The following SH3BP5 variants were observed in gnomAD, a reference collection of about 807,000 sequenced individuals.
SH3BP5 encodes the protein SH3 domain binding protein 5.
Under a neutral mutation model 43.3 loss-of-function variants are expected in SH3BP5, and 22 were observed. The observed-to-expected ratio is 0.51, with a 90% CI of 0.36 to 0.73. SH3BP5 has a LOEUF of 0.73. SH3BP5 is among the 30% of genes least tolerant of loss of function. The pLI, the probability that SH3BP5 is intolerant of heterozygous loss-of-function variation, is 0.00. For missense variants in SH3BP5, 529 were observed against 586.9 expected (o/e 0.90, Z 1.02); for synonymous variants, 255 against 225.8 (o/e 1.13, Z -1.16).
At chr3:15,317,248 C>A (rs1008613215) in intron 2 of SH3BP5, among the ~76,000 whole-genome samples, 1 of 152,170 alleles carries the variant, frequency 6.6e-6, no homozygotes, top group Non-Finnish European at 1.5e-5. Context: ...GGCGATATGG[C>A]GAGTTCATGG....
intron 2 of SH3BP5, among the ~76,000 whole-genome samples, chr3:15,312,965 T>C (rs765196605): frequency 2.0e-5 from 3 of 152,176 alleles, no homozygotes; most frequent in Non-Finnish European, 4.4e-5. Flanking sequence ...GAAGTAAGGC[T>C]GGGCACAGTG....
intron 2 of SH3BP5, among the ~76,000 whole-genome samples, chr3:15,309,698 T>C (rs143093564): frequency 8.5e-5 from 13 of 152,348 alleles, no homozygotes; most frequent in African/African-American, 2.9e-4. Flanking sequence ...CCAGTCTGAC[T>C]TGATGCCCTT....
At chr3:15,318,983 T>C (rs1365369687) in intron 2 of SH3BP5, among the ~76,000 whole-genome samples, 1 of 152,156 alleles carries the variant, frequency 6.6e-6, no homozygotes, top group Non-Finnish European at 1.5e-5. Flanking sequence ...CGGGACTCTC[T>C]TTCCCCAGAG....
At chr3:15,328,389 A>C (rs1698517810) in intron 2 of SH3BP5, among the ~76,000 whole-genome samples, 1 of 151,860 alleles carries the variant, frequency 6.6e-6, no homozygotes, top group African/African-American at 2.4e-5. Context: ...GGCACATAGT[A>C]GGCGAGCAAC....
At position 15,291,806 on chromosome 3, in the gene SH3BP5, C is replaced by T. The variant is rs1421015610; in HGVS notation, c.330+12297G>A. 2.0e-5 allele frequency among the ~76,000 whole-genome samples: 3 copies of T among 152,278 alleles called. No homozygotes were observed. In the South Asian group the frequency reaches 6.2e-4, roughly 32 times the overall value. On this transcript the variant is annotated intron_variant, in intron 3 of 8. Coordinates refer to ENST00000383791, the MANE Select transcript of SH3BP5 (RefSeq NM_004844.5). ...CAGAACCACTTGAAGCCCCAGAGAC[C>T]ATAAATCTCTAAGTCTTATCAGTCA...
At chr3:15,321,995 G>A (rs1481862162) in intron 2 of SH3BP5, among the ~76,000 whole-genome samples, 4 of 152,020 alleles carry the variant, frequency 2.6e-5, no homozygotes, top group Admixed American at 1.3e-4. Context: ...ATTTGAGGTC[G>A]GGAGTTCGAG....
At chr3:15,337,458 T>C (rs1698714586), upstream of SH3BP5, among the ~76,000 whole-genome samples, 1 of 152,200 alleles carries the variant, frequency 6.6e-6, no homozygotes, top group African/African-American at 2.4e-5. Flanking sequence ...TTTTGTTCTG[T>C]TTTTTGTTTT....
chr3:15,280,780 C>A (rs1314071625), intron 3 of SH3BP5, among the ~76,000 whole-genome samples: 1 of 152,228 alleles, frequency 6.6e-6, no homozygotes, highest in Non-Finnish European at 1.5e-5. Flanking sequence ...TGCACGTCCA[C>A]TCACAATTCT....
At position 15,288,821 on chromosome 3, in the gene SH3BP5, A is replaced by C. The variant is rs150996374; in HGVS notation, c.330+15282T>G. ...GAGGGATTGCACCAAAAAAGTGACA[A>C]TGAGAAATGACTCATTTAGTATTTG... On this transcript the variant is annotated intron_variant, in intron 3 of 8. Transcript: ENST00000383791. 1.7e-3 allele frequency among the ~76,000 whole-genome samples: 264 copies of C among 152,372 alleles called. 1 individual carries two copies. Among genetic ancestry groups the C allele is most frequent in the Admixed American group, 5.8e-3 (89 of 15,304 alleles).
At chr3:15,318,593 C>T (rs1162062202) in intron 2 of SH3BP5, among the ~76,000 whole-genome samples, 3 of 149,890 alleles carry the variant, frequency 2.0e-5, no homozygotes, top group East Asian at 3.9e-4. Flanking sequence ...ACAAGAGTCT[C>T]GCTTTGTCAC....
rs1476043362 is a variant in SH3BP5 at position 15,304,191 on chromosome 3, G to A, written c.242C>T (p.Thr81Met). Residue 81 changes from threonine to methionine, a missense_variant, in exon 3 of 9, where the codon ACG (threonine) becomes ATG (methionine). Thr to Met is a moderately conservative substitution (Grantham distance 81). Coordinates refer to ENST00000383791, the MANE Select transcript of SH3BP5 (RefSeq NM_004844.5). ...CTTCACCAGTTCATCCAGTTTCACC[G>A]TTGCTTCAACCAGAACAGAGCGGAA... ...QKFRSVLVEA[T>M]VKLDELVKKI... 3.7e-6 allele frequency: 6 copies of A among 1,614,012 alleles called. No homozygotes were observed. Among genetic ancestry groups the A allele is most frequent in the South Asian group, 1.1e-5 (1 of 91,088 alleles).
upstream of SH3BP5, chr3:15,332,671 G>A: frequency 8.7e-7 from 1 of 1,145,108 alleles, no homozygotes; most frequent in Non-Finnish European, 1.1e-6. Context: ...CTCGCGTTCC[G>A]CCGCCAGTCC....
intron 3 of SH3BP5, among the ~76,000 whole-genome samples, chr3:15,291,240 C>G (rs1011126786): frequency 3.9e-5 from 6 of 152,198 alleles, no homozygotes; most frequent in Non-Finnish European, 8.8e-5. Flanking sequence ...TGTGCCCACT[C>G]AAGGCTACAG....
At chr3:15,312,369 A>C (rs1166970319) in intron 2 of SH3BP5, among the ~76,000 whole-genome samples, 1 of 152,210 alleles carries the variant, frequency 6.6e-6, no homozygotes, top group Non-Finnish European at 1.5e-5. Context: ...GCTGATTGTC[A>C]TCTTAATGAA....
intron 7 of SH3BP5, 40 bp downstream of exon 7, chr3:15,258,791 C>T (rs373778096): frequency 8.6e-5 from 132 of 1,543,550 alleles, no homozygotes; most frequent in Non-Finnish European, 1.1e-4. Flanking sequence ...ATCACACAGT[C>T]TGATATCTCC....
At chr3:15,309,922 A>T (rs532008091) in intron 2 of SH3BP5, among the ~76,000 whole-genome samples, 1,630 of 141,332 alleles carry the variant, frequency 0.012, 9 homozygotes, top group Non-Finnish European at 0.018. Flanking sequence ...CCCCCATAAG[A>T]AAAAGCCCAC....
At chr3:15,325,097 T>C (rs1303967791) in intron 2 of SH3BP5, among the ~76,000 whole-genome samples, 2 of 152,168 alleles carry the variant, frequency 1.3e-5, no homozygotes, top group Non-Finnish European at 2.9e-5. Context: ...GCACGGGAAA[T>C]GATGAAAACA....
chr3:15,332,844 G>T (rs756523910), upstream of SH3BP5, among the ~76,000 whole-genome samples: 38 of 152,172 alleles, frequency 2.5e-4, no homozygotes, highest in Non-Finnish European at 4.6e-4. Context: ...GCCCTCCTCC[G>T]AGGCTCGTTG....
chr3:15,305,129 AAT>A (rs1184343367), intron 2 of SH3BP5, among the ~76,000 whole-genome samples: 3,107 of 152,080 alleles, frequency 0.02, 104 homozygotes, highest in African/African-American at 0.069. Flanking sequence ...AAAAAAAAAA[AAT>A]TAATTCATTA....
Sources: gnomAD v4.1 joint callset for allele counts (sites outside exome capture counted in the v4.1 genomes callset) on GRCh38, gnomAD v4.1.1 for gene constraint, MANE v1.5 for transcripts, NCBI Gene and HGNC (gene_info 2026-07-23, HGNC 2026-07-21) for gene names.